Variants in TG observed in about 807,000 individuals in gnomAD.
The protein encoded by TG is thyroid hormones.
In TG, 270 loss-of-function variants were observed where a neutral mutation model predicts 324.7. The observed-to-expected ratio is 0.83, with a 90% CI of 0.75 to 0.92. The LOEUF (loss-of-function observed/expected upper bound fraction) is 0.92, where lower values mean the gene tolerates loss of function less well. TG is among the 40% of genes least tolerant of loss of function. The pLI, the probability that TG is intolerant of heterozygous loss-of-function variation, is 0.00. For missense variants in TG, 3,591 were observed against 3,456.4 expected, an observed-to-expected ratio of 1.04 and a Z score of -0.98; for synonymous variants, 1,401 against 1,327.0, an observed-to-expected ratio of 1.06 and a Z score of -1.21.
chr8:132,869,822 G>A lies in TG; in HGVS notation c.270G>A (p.Val90=), dbSNP rs1337390333. ...GCAGCAGGCAGCCAGGACGGCCTGT[G>A]GCTTGTAAGTGGGAGTGGGGGACGT... is the stretch of plus-strand genomic sequence containing the variant. ...VLGSRQPGRP[V]ACLSFCQLQK... is the part of the protein sequence containing the mutation. Residue 90 remains valine, a synonymous_variant, in exon 3 of 48, where the codon GTG becomes GTA. Transcript: ENST00000220616. 6.2e-7 allele frequency: 1 copy of A among 1,613,768 alleles called. No homozygotes were observed. Among genetic ancestry groups the A allele is most frequent in the African/African-American group, 1.3e-5 (1 of 74,910 alleles).
chr8:132,941,627 G>T (rs1204680573), intron 26 of TG, 85 bp downstream of exon 26: 2 of 1,515,620 alleles, frequency 1.3e-6, no homozygotes, highest in African/African-American at 2.8e-5. Flanking sequence ...ACATGGAGCT[G>T]CATGGGGAGT....
At chr8:132,967,152 TCCAC>T (rs1313460173) in intron 30 of TG, among the ~76,000 whole-genome samples, 2 of 143,190 alleles carry the variant, frequency 1.4e-5, no homozygotes, top group Non-Finnish European at 3.0e-5. Context: ...CATCCATCCA[TCCAC>T]CCATCCAACC....
chr8:132,947,430 T>C (rs1050208549), intron 26 of TG, among the ~76,000 whole-genome samples: 6 of 152,190 alleles, frequency 3.9e-5, no homozygotes, highest in African/African-American at 1.4e-4. Context: ...AGAGATTCAC[T>C]GCTGCTGGTT....
intron 37 of TG, among the ~76,000 whole-genome samples, chr8:133,014,248 A>G (rs1834820678): frequency 6.6e-6 from 1 of 152,218 alleles, no homozygotes; most frequent in Non-Finnish European, 1.5e-5. Flanking sequence ...CTCTCCCACA[A>G]AGCCATGCAG....
At chr8:133,055,824 C>CCAGCAGCAGCAGCAG (rs36210010) in intron 41 of TG, among the ~76,000 whole-genome samples, 23 of 150,882 alleles carry the variant, frequency 1.5e-4, no homozygotes, top group Non-Finnish European at 2.5e-4. Context: ...CTCCTCATCA[C>CCAGCAGCAGCAGCAG]CAGCAGCAGC....
At chr8:133,053,360 G>A (rs1840785009) in intron 41 of TG, among the ~76,000 whole-genome samples, 1 of 152,214 alleles carries the variant, frequency 6.6e-6, no homozygotes, top group Non-Finnish European at 1.5e-5. Flanking sequence ...TGTAGCCTGT[G>A]CCACACCTGT....
chr8:132,944,770 A>G (rs1200023179), intron 26 of TG, among the ~76,000 whole-genome samples: 3 of 152,372 alleles, frequency 2.0e-5, no homozygotes, highest in Middle Eastern at 3.4e-3. Context: ...CATTGAAAAC[A>G]TGTAATAAGT....
intron 21 of TG, among the ~76,000 whole-genome samples, chr8:132,921,487 C>A (rs755023719): frequency 1.3e-5 from 2 of 152,146 alleles, no homozygotes; most frequent in Non-Finnish European, 2.9e-5. Context: ...ACTCATTAAC[C>A]CGCATTGAAT....
rs187688107 is a variant in TG, at chr8:133,107,351, A to T, written c.7573-6071A>T. On this transcript the variant is annotated intron_variant, in intron 43 of 47. Coordinates refer to ENST00000220616, the MANE Select transcript of TG (RefSeq NM_003235.5). ...CCAAGGGCTCTTACTTTTCATTAGG[A>T]TGTGTTAATGGCAGTCCTTTAAAAG... Among the ~76,000 whole-genome samples, 4 of 152,176 alleles carry T rather than the reference A, an allele frequency of 2.6e-5. No individual in the cohort carries two copies. In the East Asian group the frequency reaches 7.7e-4, roughly 29 times the overall value.
intron 35 of TG, chr8:132,988,896 G>A: frequency 5.1e-6 from 5 of 985,340 alleles, no homozygotes; most frequent in Non-Finnish European, 6.0e-6. Context: ...TTCTCTTAGA[G>A]GTGTGTATTA....
At chr8:133,133,818 C>T (rs1046880759) in intron 47 of TG, among the ~76,000 whole-genome samples, 158 bp downstream of exon 47, 2 of 152,330 alleles carry the variant, frequency 1.3e-5, no homozygotes, top group Admixed American at 1.3e-4. Context: ...GTCTGGGGAG[C>T]TCCATGTTGC....
chr8:133,086,345 G>C (rs1846558618), intron 41 of TG, among the ~76,000 whole-genome samples: 1 of 152,104 alleles, frequency 6.6e-6, no homozygotes, highest in African/African-American at 2.4e-5. Flanking sequence ...TGAATTCTGT[G>C]GTATGTGAAT....
At chr8:133,036,476 C>T (rs559503287) in intron 41 of TG, among the ~76,000 whole-genome samples, 34 of 152,270 alleles carry the variant, frequency 2.2e-4, no homozygotes, top group African/African-American at 7.5e-4. Flanking sequence ...TTATAACAAT[C>T]GTTCAGAATT....
At chr8:133,083,931 C>T (rs1052628068) in intron 41 of TG, among the ~76,000 whole-genome samples, 2 of 152,198 alleles carry the variant, frequency 1.3e-5, no homozygotes, top group African/African-American at 4.8e-5. Flanking sequence ...CATGGAGCCA[C>T]CTCAGTCACT....
chr8:133,091,566 G>T (rs1016873390), intron 41 of TG, among the ~76,000 whole-genome samples: 9 of 152,242 alleles, frequency 5.9e-5, no homozygotes, highest in African/African-American at 1.9e-4. Context: ...GGGCAGCTTT[G>T]TGTGTGTGTT....
intron 26 of TG, among the ~76,000 whole-genome samples, chr8:132,946,812 C>A (rs1219177883): frequency 6.6e-6 from 1 of 152,134 alleles, no homozygotes; most frequent in African/African-American, 2.4e-5. Context: ...GTATGACCAG[C>A]AAAGTGACTT....
At chr8:132,952,969 C>A (rs1254802145) in intron 27 of TG, among the ~76,000 whole-genome samples, 1 of 152,214 alleles carries the variant, frequency 6.6e-6, no homozygotes, top group Non-Finnish European at 1.5e-5. Context: ...GTGCAATTTA[C>A]TGGAAGTGGA....
At chr8:133,038,831 A>T (rs910356197) in intron 41 of TG, 3 of 751,294 alleles carry the variant, frequency 4.0e-6, no homozygotes, top group Non-Finnish European at 6.5e-6. Context: ...GAACAGGAGG[A>T]AAAGAAAAAC....
At chr8:132,972,575 T>TG in intron 33 of TG, 23 bp from the exon 34 acceptor site, 1 of 1,347,498 alleles carries the variant, frequency 7.4e-7, no homozygotes, top group Non-Finnish European at 1.0e-6. Flanking sequence ...TGTGGTTTTT[T>TG]GTTTTTTTTT....
Sources: gnomAD v4.1 joint callset for allele counts (sites outside exome capture counted in the v4.1 genomes callset) on GRCh38, gnomAD v4.1.1 for gene constraint, MANE v1.5 for transcripts, NCBI Gene and HGNC (gene_info 2026-07-23, HGNC 2026-07-21) for gene names.